GPR183: variants seen among roughly 807,000 people sequenced by gnomAD.
GPR183 encodes EBV-induced G-protein coupled receptor 2.
In GPR183, 9 loss-of-function variants were observed where a neutral mutation model predicts 19.7. The observed-to-expected ratio is 0.46, with a 90% confidence interval of 0.28 to 0.80. The LOEUF is 0.80. Among genes scored for constraint, GPR183 ranks in the 30% least tolerant of loss-of-function variants. The pLI, the probability that GPR183 is intolerant of heterozygous loss-of-function variation, is 0.13. For missense variants in GPR183, 368 were observed against 446.7 expected, an observed-to-expected ratio of 0.82 and a Z score of 1.59; for synonymous variants, 160 against 155.1, an observed-to-expected ratio of 1.03 and a Z score of -0.24.
At chr13:99,300,985 A>G (rs2044249375) in intron 1 of GPR183, among the ~76,000 whole-genome samples, 1 of 152,230 alleles carries the variant, frequency 6.6e-6, no homozygotes, top group Admixed American at 6.5e-5. Context: ...TTTAAGATAT[A>G]TTTATATAAA....
intron 1 of GPR183, among the ~76,000 whole-genome samples, chr13:99,303,389 C>T (rs2044284348): frequency 6.6e-6 from 1 of 152,202 alleles, no homozygotes; most frequent in Admixed American, 6.5e-5. Flanking sequence ...CACCCACTTG[C>T]ACATTTGGGG....
rs1479521816 is a variant in GPR183 at position 99,296,085 on chromosome 13, A to G, written c.61T>C (p.Cys21Arg). 1 of 1,613,592 alleles carries G rather than the reference A, an allele frequency of 6.2e-7. No homozygotes were observed. Among genetic ancestry groups the G allele is most frequent in the Non-Finnish European group, 8.5e-7 (1 of 1,179,774 alleles). The change falls in exon 2 of 2, where the codon TGT becomes CGT. Residue 21 changes from cysteine to arginine, a missense_variant. By Grantham distance (180) the Cys-to-Arg change is radical. Transcript: ENST00000376414. ...PPSATPQGNDCDLYAHHSTAR... is the reference protein window; with the variant it reads ...PPSATPQGNDRDLYAHHSTAR... ...GTGCTGTGATGTGCATAGAGGTCAC[A>G]GTCATTTCCCTGAGGAGTTGCAGAG...
chr13:99,295,328 C>T lies in GPR183; in HGVS notation c.818G>A (p.Arg273His), dbSNP rs757936050. ...GCTACATTCCAGGAAATTAGAGAAA[C>T]GAAGCTTCTTAATCATATGTTGAAT... ...AIIQHMIKKL[R>H]FSNFLECSQR... The change falls in exon 2 of 2, where the codon CGT becomes CAT. Residue 273 changes from arginine (R) to histidine (H), a missense_variant. Transcript: ENST00000376414. The surrounding 1 kb of genome is among the most constrained non-coding windows in gnomAD (Gnocchi z 4.1). 6 of 1,614,068 alleles carry T rather than the reference C, an allele frequency of 3.7e-6. No individual in the cohort carries two copies. Among genetic ancestry groups the T allele is most frequent in the East Asian group, 4.5e-5 (2 of 44,870 alleles).
Position 99,295,987 on chromosome 13 carries a change from C to T in GPR183, c.159G>A (p.Leu53=). 2 of 1,613,986 alleles carry T rather than the reference C, an allele frequency of 1.2e-6. No individual in the cohort carries two copies. Among genetic ancestry groups the T allele is most frequent in the Non-Finnish European group, 1.7e-6 (2 of 1,179,990 alleles). Residue 53 remains leucine, a synonymous_variant, in exon 2 of 2, where the codon TTG becomes TTA. Transcript: ENST00000376414. This position sits in a 1 kb window ranked among gnomAD's most constrained non-coding sequence, Gnocchi z 4.1. Reference sequence around the variant, plus strand: ...TTTTCCTGTTTTGAACAATGACGACCAAGGCTAGTAAGTTTCCCACGAGCC... The same window carrying T: ...TTTTCCTGTTTTGAACAATGACGACTAAGGCTAGTAAGTTTCCCACGAGCC... ...IIGLVGNLLA[L]VVIVQNRKKI... is the part of the protein sequence containing the mutation.
chr13:99,296,574 T>C (rs1439716683), intron 1 of GPR183, among the ~76,000 whole-genome samples: 1 of 152,208 alleles, frequency 6.6e-6, no homozygotes, highest in Non-Finnish European at 1.5e-5. Flanking sequence ...GCTTTGCTTT[T>C]AAATTTAATT....
At chr13:99,301,142 G>A (rs1326170119) in intron 1 of GPR183, among the ~76,000 whole-genome samples, 5 of 152,094 alleles carry the variant, frequency 3.3e-5, no homozygotes, top group Non-Finnish European at 5.9e-5. Flanking sequence ...AAAGATGCAC[G>A]TGGCCCCTCA....
At chr13:99,297,085 G>C (rs1255333423) in intron 1 of GPR183, among the ~76,000 whole-genome samples, 1 of 152,092 alleles carries the variant, frequency 6.6e-6, no homozygotes, top group Non-Finnish European at 1.5e-5. Flanking sequence ...TGCATAATTT[G>C]CTTAGCTACT....
At chr13:99,303,192 CAAGACAGAAA>C (rs1387851064) in intron 1 of GPR183, among the ~76,000 whole-genome samples, 5 of 152,186 alleles carry the variant, frequency 3.3e-5, no homozygotes, top group African/African-American at 1.2e-4. Context: ...AGAACTTCTT[CAAGACAGAAA>C]AAGACAGAAA....
chr13:99,296,303 A>G, intron 1 of GPR183, 140 bp from the exon 2 acceptor site: 1 of 555,220 alleles, frequency 1.8e-6, no homozygotes, highest in East Asian at 3.2e-5. Context: ...AAATTTCATG[A>G]CATGCAATTT....
Position 99,294,908 on chromosome 13 carries a change from G to T in GPR183, c.*152C>A. 1.4e-6 allele frequency: 1 copy of T among 726,084 alleles called. No homozygotes were observed. Among genetic ancestry groups the T allele is most frequent in the Non-Finnish European group, 2.2e-6 (1 of 451,232 alleles). The allele number at this position is 726,084 out of a possible 1,614,324, so 45.0% of individuals were successfully genotyped here. A position where few individuals can be genotyped will look rare whatever the true frequency, so the allele number is the denominator to read the frequency against. Reference sequence around the variant, plus strand: ...TGTTTGCTTTATGTTGTTCTCTTGGGCTTACTTCCGAGTTGGAGATGGGAA... The same window carrying T: ...TGTTTGCTTTATGTTGTTCTCTTGGTCTTACTTCCGAGTTGGAGATGGGAA... On this transcript the variant is annotated 3_prime_UTR_variant, in exon 2 of 2. Transcript: ENST00000376414.
At chr13:99,306,183 ACCACACCCAGCCTGATTCAG>A (rs2044331710) in intron 1 of GPR183, among the ~76,000 whole-genome samples, 1 of 152,166 alleles carries the variant, frequency 6.6e-6, no homozygotes. Flanking sequence ...GGAGTGAGCC[ACCACACCCAGCCTGATTCAG>A]GGTCTTTATG....
Position 99,304,412 on chromosome 13 carries a change from C to T in GPR183, c.-19+2928G>A, listed in dbSNP as rs1390929182. On this transcript the variant is annotated intron_variant, in intron 1 of 1. Transcript: ENST00000376414. ...GTGCTGTGCTCTGTCATAGTGTCTG[C>T]ATCATTGATTTTCTTCCCTGTCTCC... Among the ~76,000 whole-genome samples the T allele has an allele frequency of 2.0e-5, 3 of 152,288 alleles. No homozygotes were observed. In the East Asian group the frequency reaches 5.8e-4, roughly 29 times the overall value.
intron 1 of GPR183, among the ~76,000 whole-genome samples, chr13:99,298,846 A>G (rs1168649645): frequency 6.6e-6 from 1 of 152,200 alleles, no homozygotes; most frequent in African/African-American, 2.4e-5. Context: ...AATTCCAGGC[A>G]AGGGTTGCAG....
chr13:99,304,143 G>T (rs2044296410), intron 1 of GPR183, among the ~76,000 whole-genome samples: 1 of 152,172 alleles, frequency 6.6e-6, no homozygotes, highest in Non-Finnish European at 1.5e-5. Context: ...TTCTTCAGGA[G>T]GGTTGCTGGT....
intron 1 of GPR183, among the ~76,000 whole-genome samples, chr13:99,305,388 C>T (rs2044318325): frequency 6.6e-6 from 1 of 152,154 alleles, no homozygotes; most frequent in Non-Finnish European, 1.5e-5. Context: ...CAGGCCACGT[C>T]CAGGGCTGCC....
At position 99,294,920 on chromosome 13, in the gene GPR183, G is replaced by A; in HGVS notation, c.*140C>T. 3.5e-6 allele frequency: 3 copies of A among 858,554 alleles called. No individual in the cohort carries two copies. Among genetic ancestry groups the A allele is most frequent in the South Asian group, 1.9e-5 (1 of 53,886 alleles). 53.2% of individuals were successfully genotyped at this position (858,554 alleles called of 1,614,324 possible). On this transcript the variant is annotated 3_prime_UTR_variant, in exon 2 of 2. Transcript: ENST00000376414. Reference sequence around the variant, plus strand: ...GTTGTTCTCTTGGGCTTACTTCCGAGTTGGAGATGGGAAAGTGCCCAATGA... The same window carrying A: ...GTTGTTCTCTTGGGCTTACTTCCGAATTGGAGATGGGAAAGTGCCCAATGA...
At chr13:99,299,572 G>C (rs769210449) in intron 1 of GPR183, among the ~76,000 whole-genome samples, 2 of 152,064 alleles carry the variant, frequency 1.3e-5, no homozygotes, top group Non-Finnish European at 2.9e-5. Flanking sequence ...TTTCTATTCA[G>C]AATGTTCATT....
At chr13:99,304,051 A>T (rs1388398776) in intron 1 of GPR183, among the ~76,000 whole-genome samples, 2 of 152,072 alleles carry the variant, frequency 1.3e-5, no homozygotes, top group African/African-American at 4.8e-5. Context: ...CCAGGCTCTC[A>T]AACGGGGCCC....
chr13:99,303,494 T>C (rs1289675163), intron 1 of GPR183, among the ~76,000 whole-genome samples: 1 of 152,224 alleles, frequency 6.6e-6, no homozygotes, highest in Non-Finnish European at 1.5e-5. Context: ...ATGGAAGTTA[T>C]TGAAGATGAA....
Sources: allele counts gnomAD v4.1 joint callset (sites outside exome capture counted in the v4.1 genomes callset), GRCh38; gene constraint gnomAD v4.1.1; non-coding constraint Gnocchi (gnomAD v3.1); transcripts MANE v1.5; gene names NCBI Gene and HGNC (gene_info 2026-07-23, HGNC 2026-07-21).